RBFOX3: variants seen among roughly 807,000 people sequenced by gnomAD.
The protein encoded by RBFOX3 is RNA binding protein fox-1 homolog 3.
RBFOX3 carries 17 observed loss-of-function variants against 48.7 expected under a neutral mutation model. The observed-to-expected ratio is 0.35, with a 90% CI of 0.24 to 0.52. The LOEUF (loss-of-function observed/expected upper bound fraction) is 0.52, where lower values mean the gene tolerates loss of function less well. Among genes scored for constraint, RBFOX3 ranks in the 20% least tolerant of loss-of-function variants. RBFOX3 has a pLI of 0.94. For synonymous variants in RBFOX3, 212 were observed against 209.5 expected (o/e 1.01, Z -0.10); for missense variants, 382 against 497.5 (o/e 0.77, Z 2.21).
chr17:79,334,956 T>C (rs8064769), intron 2 of RBFOX3, among the ~76,000 whole-genome samples: 124,579 of 152,250 alleles, frequency 0.82, 51,558 homozygotes, highest in Non-Finnish European at 0.89. Context: ...ACCTTGGACA[T>C]TCTGTCTAGA....
chr17:79,176,939 A>G (rs72856448), intron 4 of RBFOX3, among the ~76,000 whole-genome samples: 2 of 152,160 alleles, frequency 1.3e-5, no homozygotes, highest in Non-Finnish European at 2.9e-5. Flanking sequence ...GGAAGCCAAG[A>G]GAAGAGACAG....
intron 4 of RBFOX3, among the ~76,000 whole-genome samples, chr17:79,232,698 C>CA (rs1567886300): frequency 7.8e-6 from 1 of 128,212 alleles, no homozygotes; most frequent in Non-Finnish European, 1.8e-5. Context: ...AAAGCATAGG[C>CA]GAAAAAAAAT....
intron 3 of RBFOX3, among the ~76,000 whole-genome samples, chr17:79,270,642 C>T (rs368299623): frequency 2.0e-4 from 31 of 152,350 alleles, no homozygotes; most frequent in African/African-American, 7.0e-4. Flanking sequence ...AAGACTGGTC[C>T]CCCTCCAGGT....
At chr17:79,369,848 G>C (rs2058285421) in intron 2 of RBFOX3, among the ~76,000 whole-genome samples, 1 of 152,124 alleles carries the variant, frequency 6.6e-6, no homozygotes, top group Non-Finnish European at 1.5e-5. Context: ...CCCTGGCCTT[G>C]TCCCTCCTGT....
chr17:79,636,817 C>T, the RBFOX3 span, among the ~76,000 whole-genome samples: 1 of 152,038 alleles, frequency 6.6e-6, no homozygotes, highest in Admixed American at 6.5e-5. Context: ...TGCTTATAAA[C>T]ATTTACATTA....
chr17:79,183,003 G>A (rs1337290909), intron 4 of RBFOX3, among the ~76,000 whole-genome samples: 4 of 148,384 alleles, frequency 2.7e-5, no homozygotes, highest in African/African-American at 7.4e-5. Context: ...CCCCTCCCGC[G>A]CCTTCGGAAA....
chr17:79,283,501 T>G (rs2071095678), intron 3 of RBFOX3, among the ~76,000 whole-genome samples: 1 of 152,162 alleles, frequency 6.6e-6, no homozygotes, highest in Admixed American at 6.5e-5. Context: ...ACTCCTGACC[T>G]CAAGTGATCT....
At chr17:79,136,750 C>T (rs1306213937) in intron 4 of RBFOX3, among the ~76,000 whole-genome samples, 1 of 152,190 alleles carries the variant, frequency 6.6e-6, no homozygotes, top group Non-Finnish European at 1.5e-5. Context: ...CAAATGCCTG[C>T]CCCAGGGCAG....
intron 1 of RBFOX3, among the ~76,000 whole-genome samples, chr17:79,550,781 G>C (rs1320292476): frequency 1.3e-5 from 2 of 151,474 alleles, no homozygotes; most frequent in Non-Finnish European, 1.5e-5. Context: ...GCGTGGGTGG[G>C]TGGATGGATG....
intron 2 of RBFOX3, among the ~76,000 whole-genome samples, chr17:79,382,623 C>A (rs2060064250): frequency 6.6e-6 from 1 of 152,148 alleles, no homozygotes; most frequent in African/African-American, 2.4e-5. Context: ...TTCTTTGAAC[C>A]AAAGACCTGA....
chr17:79,326,128 G>GC lies in RBFOX3; in HGVS notation c.-174-18305_-174-18304insG, dbSNP rs201524625. ...CATACTTCTGGGGCGGTTTCTTCCA[G>GC]AGCATCACTGTCTGTGGCATTGGGG... On this transcript the variant is annotated intron_variant, in intron 2 of 14. Coordinates refer to ENST00000693108, the MANE Select transcript of RBFOX3 (RefSeq NM_001350451.2). Among the ~76,000 whole-genome samples, 691 of 152,304 alleles carry GC rather than the reference G, an allele frequency of 4.5e-3. 3 individuals carry two copies. The highest frequency in any genetic ancestry group is 0.024 in the East Asian group (123 of 5,184).
At chr17:79,163,458 C>T (rs917464915) in intron 4 of RBFOX3, among the ~76,000 whole-genome samples, 1 of 152,248 alleles carries the variant, frequency 6.6e-6, no homozygotes, top group African/African-American at 2.4e-5. Context: ...GAATGTCCTT[C>T]TGACGCTGCC....
the RBFOX3 span, among the ~76,000 whole-genome samples, chr17:79,626,361 C>T: frequency 6.6e-6 from 1 of 152,222 alleles, no homozygotes; most frequent in Non-Finnish European, 1.5e-5. Context: ...GCCTTCCTTC[C>T]CAGCTAGGGC....
At chr17:79,613,961 G>A (rs933804980), upstream of RBFOX3, among the ~76,000 whole-genome samples, 2 of 152,226 alleles carry the variant, frequency 1.3e-5, no homozygotes, top group Non-Finnish European at 2.9e-5. Flanking sequence ...TGGACAACAA[G>A]AGTGAGACTT....
chr17:79,330,389 C>G lies in RBFOX3; in HGVS notation c.-174-22565G>C, dbSNP rs913999811. On this transcript the variant is annotated intron_variant, in intron 2 of 14. Coordinates refer to ENST00000693108, the MANE Select transcript of RBFOX3 (RefSeq NM_001350451.2). ...TACACAGGAGTCCCCCCAGTTTTCT[C>G]CCACTCAGACCCTCACTGTCATGGT... Among the ~76,000 whole-genome samples the G allele has an allele frequency of 4.6e-4, 70 of 152,184 alleles. 1 individual carries two copies. Among genetic ancestry groups the G allele is most frequent in the African/African-American group, 1.6e-3 (68 of 41,446 alleles).
the RBFOX3 span, among the ~76,000 whole-genome samples, chr17:79,618,740 T>G: frequency 1.2e-4 from 19 of 152,222 alleles, 1 homozygote; most frequent in African/African-American, 4.3e-4. Context: ...TTCTCTGTGC[T>G]TCCCAAGATC....
At chr17:79,594,851 G>A (rs1568441474) in intron 1 of RBFOX3, among the ~76,000 whole-genome samples, 2 of 152,056 alleles carry the variant, frequency 1.3e-5, no homozygotes, top group Non-Finnish European at 2.9e-5. Context: ...CCCCACCCTC[G>A]GCATGCCCCG....
At chr17:79,338,107 T>A (rs951738643) in intron 2 of RBFOX3, among the ~76,000 whole-genome samples, 1 of 151,950 alleles carries the variant, frequency 6.6e-6, no homozygotes, top group Non-Finnish European at 1.5e-5. Flanking sequence ...CCCGGATAAT[T>A]TTTGTAATTT....
the RBFOX3 span, among the ~76,000 whole-genome samples, chr17:79,653,238 G>A: frequency 5.9e-5 from 9 of 152,178 alleles, no homozygotes; most frequent in Admixed American, 1.3e-4. Context: ...GCAAAGAAAA[G>A]TCCTGGATGA....
Sources: allele counts gnomAD v4.1 joint callset (sites outside exome capture counted in the v4.1 genomes callset), GRCh38; gene constraint gnomAD v4.1.1; transcripts MANE v1.5; gene names NCBI Gene and HGNC (gene_info 2026-07-23, HGNC 2026-07-21).